Variants in PPFIA2 observed in about 807,000 individuals in gnomAD.
PPFIA2 encodes the protein liprin-alpha-2.
PPFIA2 carries 46 observed loss-of-function variants against 175.5 expected under a neutral mutation model. The ratio of observed to expected loss-of-function variants is 0.26; its 90% CI spans 0.21 to 0.34. PPFIA2 has a LOEUF of 0.34. Ranked by LOEUF, PPFIA2 falls within the 10% of genes least tolerant of loss-of-function variation. The probability of loss-of-function intolerance (pLI) is 1.00; values close to 1 mark genes in which losing one functional copy is unlikely to be tolerated. For missense variants in PPFIA2, 1,179 were observed against 1,506.1 expected (o/e 0.78, Z 3.60); for synonymous variants, 568 against 511.4 (o/e 1.11, Z -1.49).
chr12:81,503,167 T>C (rs1402839670), intron 4 of PPFIA2, among the ~76,000 whole-genome samples: 1 of 152,212 alleles, frequency 6.6e-6, no homozygotes, highest in Non-Finnish European at 1.5e-5. Flanking sequence ...TGCCCTGGTC[T>C]GGAGTTCCTC....
At chr12:81,615,057 A>T (rs1209453515) in intron 4 of PPFIA2, among the ~76,000 whole-genome samples, 4 of 152,176 alleles carry the variant, frequency 2.6e-5, no homozygotes, top group Non-Finnish European at 4.4e-5. Context: ...AATTGATTTC[A>T]TACATAAAAC....
chr12:81,445,218 A>AGGGG (rs796127107), intron 6 of PPFIA2, among the ~76,000 whole-genome samples: 12 of 46,780 alleles, frequency 2.6e-4, no homozygotes, highest in Non-Finnish European at 4.2e-4. Flanking sequence ...GGGGGGGGGG[A>AGGGG]GGGGGGAGAG....
At chr12:81,317,473 C>T (rs564049630) in intron 22 of PPFIA2, among the ~76,000 whole-genome samples, 22 of 150,440 alleles carry the variant, frequency 1.5e-4, no homozygotes, top group Admixed American at 5.3e-4. Context: ...AGTATGATGG[C>T]TTGAGCTGGA....
chr12:81,283,384 T>C (rs1351035834), intron 25 of PPFIA2, among the ~76,000 whole-genome samples: 2 of 152,034 alleles, frequency 1.3e-5, no homozygotes, highest in African/African-American at 4.8e-5. Flanking sequence ...AATATATATA[T>C]GTATATATGA....
chr12:81,438,974 C>T lies in PPFIA2; in HGVS notation c.645+998G>A, dbSNP rs568773496. 1.4e-4 allele frequency among the ~76,000 whole-genome samples: 22 copies of T among 152,108 alleles called. No homozygotes were observed. In the South Asian group the frequency reaches 4.6e-3, roughly 32 times the overall value. The stretch of plus-strand genomic sequence containing the variant: ...TCAACCCTCTTCATTATTCCCTCCC[C>T]TCTACCCTTGGTTATTTAAGAGTAA... On this transcript the variant is annotated intron_variant, in intron 7 of 32. Coordinates refer to ENST00000549396, the MANE Select transcript of PPFIA2 (RefSeq NM_003625.5).
intron 7 of PPFIA2, among the ~76,000 whole-genome samples, chr12:81,432,324 A>G (rs1592887419): frequency 6.6e-6 from 1 of 151,874 alleles, no homozygotes; most frequent in South Asian, 2.1e-4. Context: ...CTGGTCTCAC[A>G]CTCCTGAGTT....
intron 24 of PPFIA2, among the ~76,000 whole-genome samples, chr12:81,285,306 A>G (rs1230564319): frequency 1.3e-5 from 2 of 152,074 alleles, no homozygotes; most frequent in Non-Finnish European, 2.9e-5. Context: ...ATTATCTGCT[A>G]CTTGTTTTGG....
At chr12:81,656,492 C>T (rs1278035919) in intron 4 of PPFIA2, among the ~76,000 whole-genome samples, 4 of 151,772 alleles carry the variant, frequency 2.6e-5, no homozygotes, top group South Asian at 2.1e-4. Flanking sequence ...GCATTTGTAC[C>T]CCCTAAATCT....
chr12:81,665,780 A>C (rs1041028056), intron 4 of PPFIA2, among the ~76,000 whole-genome samples: 2 of 152,084 alleles, frequency 1.3e-5, no homozygotes, highest in Non-Finnish European at 2.9e-5. Context: ...TAATTAAACT[A>C]AAGAGCTTCT....
intron 19 of PPFIA2, among the ~76,000 whole-genome samples, chr12:81,343,156 T>C (rs960818878): frequency 4.6e-5 from 7 of 152,080 alleles, no homozygotes; most frequent in African/African-American, 1.7e-4. Context: ...TGTAGTCTTT[T>C]GAAGTGTAAA....
intron 4 of PPFIA2, among the ~76,000 whole-genome samples, chr12:81,603,281 C>T (rs1247250839): frequency 6.6e-6 from 1 of 151,786 alleles, no homozygotes; most frequent in Non-Finnish European, 1.5e-5. Flanking sequence ...TCTGCAATGT[C>T]TTGCATTAAT....
intron 19 of PPFIA2, among the ~76,000 whole-genome samples, chr12:81,342,650 T>C (rs953427142): frequency 1.3e-5 from 2 of 152,056 alleles, no homozygotes; most frequent in African/African-American, 4.8e-5. Context: ...TGGAAAACCT[T>C]TTTAAACCCA....
At chr12:81,409,682 C>T (rs1463037516) in intron 7 of PPFIA2, among the ~76,000 whole-genome samples, 1 of 152,002 alleles carries the variant, frequency 6.6e-6, no homozygotes, top group African/African-American at 2.4e-5. Context: ...TCTGTTATAG[C>T]AACACAAAAC....
chr12:81,737,346 C>A (rs1312447868), intron 3 of PPFIA2, among the ~76,000 whole-genome samples: 1 of 151,860 alleles, frequency 6.6e-6, no homozygotes, highest in Non-Finnish European at 1.5e-5. Flanking sequence ...GAACTGTACC[C>A]TAGAAGAAAT....
At chr12:81,643,322 AC>A (rs1438412331) in intron 4 of PPFIA2, among the ~76,000 whole-genome samples, 2 of 151,842 alleles carry the variant, frequency 1.3e-5, no homozygotes, top group Non-Finnish European at 2.9e-5. Flanking sequence ...CCCCTCAACC[AC>A]TAAAATACTT....
At chr12:81,546,588 A>G (rs1384967084) in intron 4 of PPFIA2, 3 of 152,180 alleles carry the variant, frequency 2.0e-5, no homozygotes, top group East Asian at 1.9e-4. Context: ...CAATTTGTCA[A>G]TATAATATAC....
intron 4 of PPFIA2, among the ~76,000 whole-genome samples, chr12:81,544,642 T>G (rs12815598): frequency 0.31 from 47,185 of 151,948 alleles, 7,578 homozygotes; most frequent in African/African-American, 0.39. Flanking sequence ...TTCTTGAGAT[T>G]CCACAGAGAA....
At chr12:81,329,415 C>T (rs1156652810) in intron 21 of PPFIA2, among the ~76,000 whole-genome samples, 2 of 152,086 alleles carry the variant, frequency 1.3e-5, no homozygotes, top group African/African-American at 4.8e-5. Flanking sequence ...GTGAGGCCTT[C>T]GAGGACTTGG....
intron 5 of PPFIA2, among the ~76,000 whole-genome samples, chr12:81,450,753 G>T (rs1473139132): frequency 1.3e-5 from 2 of 152,054 alleles, no homozygotes; most frequent in Non-Finnish European, 2.9e-5. Flanking sequence ...TTTTCTTCTA[G>T]GGTTTTTATG....
Sources: allele counts gnomAD v4.1 joint callset (sites outside exome capture counted in the v4.1 genomes callset), GRCh38; gene constraint gnomAD v4.1.1; transcripts MANE v1.5; gene names NCBI Gene and HGNC (gene_info 2026-07-23, HGNC 2026-07-21).